The following SYK variants were observed in gnomAD, a reference collection of about 807,000 sequenced individuals.
The protein encoded by SYK is tyrosine-protein kinase SYK.
A neutral mutation model predicts 77.8 loss-of-function variants in SYK; 16 were observed. The ratio of observed to expected loss-of-function variants is 0.21; its 90% CI spans 0.14 to 0.31. The LOEUF (loss-of-function observed/expected upper bound fraction) is 0.31. SYK is among the 10% of genes least tolerant of loss of function. The pLI is 1.00. For missense variants in SYK, 529 were observed against 814.4 expected (o/e 0.65, Z 4.26); for synonymous variants, 312 against 308.7 (o/e 1.01, Z -0.11).
intron 11 of SYK, among the ~76,000 whole-genome samples, chr9:90,881,356 T>C (rs1828141877): frequency 6.6e-6 from 1 of 152,098 alleles, no homozygotes; most frequent in Non-Finnish European, 1.5e-5. Flanking sequence ...AAGATTTCTG[T>C]ATGAAAACAA....
At position 90,898,465 on chromosome 9, in the gene SYK, G is replaced by C; in HGVS notation, c.*2865G>C. 1 of 220,486 alleles carries C rather than the reference G, an allele frequency of 4.5e-6. No individual in the cohort carries two copies. Among genetic ancestry groups the C allele is most frequent in the South Asian group, 1.8e-4 (1 of 5,414 alleles). 13.7% of individuals were successfully genotyped at this position (220,486 alleles called of 1,614,324 possible). Reference sequence around the variant, plus strand: ...TCCCTCCACTGGTTAGCAGTGTGTTGTGTTTTCCATTCATTTCAGAAGAGC... The same window carrying C: ...TCCCTCCACTGGTTAGCAGTGTGTTCTGTTTTCCATTCATTTCAGAAGAGC... On this transcript the variant is annotated 3_prime_UTR_variant, in exon 14 of 14. Coordinates refer to ENST00000375754, the MANE Select transcript of SYK (RefSeq NM_003177.7).
chr9:90,807,805 T>G (rs1824898809), intron 1 of SYK, among the ~76,000 whole-genome samples: 1 of 152,170 alleles, frequency 6.6e-6, no homozygotes, highest in Non-Finnish European at 1.5e-5. Flanking sequence ...CTTCTTAACC[T>G]CCACCCTCAG....
rs190080816 is a variant in SYK, at chr9:90,893,824, G to C, written c.1836-1704G>C. On this transcript the variant is annotated intron_variant, in intron 13 of 13. Transcript: ENST00000375754. ...GCAAGGTTGAGTGCAGGGATGAGGG[G>C]AGAGGAGGAGGGTCACTGGGTACAA... Among the ~76,000 whole-genome samples, 14 of 152,304 alleles carry C rather than the reference G, an allele frequency of 9.2e-5. No homozygotes were observed. In the East Asian group the frequency reaches 2.7e-3, roughly 29 times the overall value.
chr9:90,849,242 T>C (rs1446154294), intron 3 of SYK, among the ~76,000 whole-genome samples: 1 of 152,172 alleles, frequency 6.6e-6, no homozygotes, highest in Non-Finnish European at 1.5e-5. Context: ...GCAAACCAAA[T>C]GTGTTGATTT....
intron 3 of SYK, 25 bp downstream of exon 3, chr9:90,845,619 C>T (rs1000072503): frequency 1.2e-6 from 2 of 1,609,498 alleles, no homozygotes; most frequent in Non-Finnish European, 1.7e-6. Context: ...TTCCCCCTCA[C>T]CTCCTGCCAC....
At position 90,877,621 on chromosome 9, in the gene SYK, C is replaced by T. The variant is rs551292916; in HGVS notation, c.1232C>T (p.Pro411Leu). The T allele has an allele frequency of 6.2e-7, 1 of 1,614,206 alleles. No individual in the cohort carries two copies. The highest frequency in any genetic ancestry group is 8.5e-7 in the Non-Finnish European group (1 of 1,180,048). Residue 411 changes from proline (P) to leucine (L), a missense_variant, in exon 10 of 14, where the codon CCC becomes CTC. Coordinates refer to ENST00000375754, the MANE Select transcript of SYK (RefSeq NM_003177.7). ...VKILKNEAND[P>L]ALKDELLAEA... ...ATACTGAAAAACGAGGCCAATGACC[C>T]CGCTCTTAAAGATGAGTTATTAGCA...
intron 3 of SYK, among the ~76,000 whole-genome samples, chr9:90,852,562 G>A (rs749747606): frequency 6.6e-6 from 1 of 152,180 alleles, no homozygotes; most frequent in Non-Finnish European, 1.5e-5. Flanking sequence ...TTTTGGCTAA[G>A]AGTCCTTGTA....
intron 3 of SYK, among the ~76,000 whole-genome samples, chr9:90,859,030 G>T (rs1827150080): frequency 6.6e-6 from 1 of 152,194 alleles, no homozygotes; most frequent in Non-Finnish European, 1.5e-5. Flanking sequence ...CCTCTGGGTT[G>T]CTCTCTATTT....
chr9:90,874,219 G>A lies in SYK; in HGVS notation c.931G>A (p.Gly311Arg). 2 of 1,614,158 alleles carry A rather than the reference G, an allele frequency of 1.2e-6. No homozygotes were observed. Among genetic ancestry groups the A allele is most frequent in the Non-Finnish European group, 1.7e-6 (2 of 1,180,004 alleles). The change falls in exon 8 of 14, where the codon GGG (glycine) becomes AGG (arginine). Residue 311 changes from glycine (G) to arginine (R), a missense_variant. Around this residue, in one of 2 missense-constraint regions of SYK, gnomAD observed 321 missense variants for 433.1 expected, o/e 0.74. Coordinates refer to ENST00000375754, the MANE Select transcript of SYK (RefSeq NM_003177.7). The stretch of plus-strand genomic sequence containing the variant: ...TGTACTTTAGTCCTCCCCTGCCCAA[G>A]GGAACCGGCAAGAGAGTACTGTGTC... ...PGHRKSSPAQGNRQESTVSFN... is the reference protein window; with the variant it reads ...PGHRKSSPAQRNRQESTVSFN...
At chr9:90,839,903 A>C (rs1864200) in intron 1 of SYK, among the ~76,000 whole-genome samples, 67,399 of 151,720 alleles carry the variant, frequency 0.44, 15,238 homozygotes, top group South Asian at 0.49. Context: ...AAGCCACAGC[A>C]TCCCGGTGCA....
At chr9:90,857,973 C>T (rs972362727) in intron 3 of SYK, among the ~76,000 whole-genome samples, 2 of 152,182 alleles carry the variant, frequency 1.3e-5, no homozygotes, top group Non-Finnish European at 2.9e-5. Context: ...ATGAGAACAC[C>T]TAGTGGGCTG....
At chr9:90,859,606 G>T (rs1827173126) in intron 3 of SYK, among the ~76,000 whole-genome samples, 1 of 152,148 alleles carries the variant, frequency 6.6e-6, no homozygotes, top group Non-Finnish European at 1.5e-5. Flanking sequence ...TACACCTAGG[G>T]GTGGAATTGC....
Position 90,845,604 on chromosome 9 carries a change from G to A in SYK, c.578+10G>A, listed in dbSNP as rs200638500. The A allele has an allele frequency of 5.3e-5, 85 of 1,612,360 alleles. No individual in the cohort carries two copies. Among genetic ancestry groups the A allele is most frequent in the African/African-American group, 3.7e-4 (28 of 74,892 alleles). On this transcript the variant is annotated intron_variant, in intron 3 of 13. Transcript: ENST00000375754. ...CAAATGGAAAGTTCCTGTGAGTATCGTGCCTTCCCCCTCACCTCCTGCCAC... is the reference window on the plus strand; with the variant it reads ...CAAATGGAAAGTTCCTGTGAGTATCATGCCTTCCCCCTCACCTCCTGCCAC...
intron 13 of SYK, among the ~76,000 whole-genome samples, chr9:90,891,513 G>A (rs1197190112): frequency 6.6e-6 from 1 of 152,158 alleles, no homozygotes; most frequent in Middle Eastern, 3.4e-3. Flanking sequence ...CACAGCTGCC[G>A]GCATTTACCT....
intron 1 of SYK, among the ~76,000 whole-genome samples, chr9:90,830,183 G>A (rs1825827463): frequency 6.6e-6 from 1 of 152,226 alleles, no homozygotes; most frequent in Admixed American, 6.5e-5. Flanking sequence ...AGCAGAATGT[G>A]CACAATGTAA....
intron 9 of SYK, among the ~76,000 whole-genome samples, chr9:90,875,469 C>A (rs938357415): frequency 1.3e-5 from 2 of 152,072 alleles, no homozygotes; most frequent in African/African-American, 4.8e-5. Context: ...AACACTACTA[C>A]TGTTAACTAA....
rs146787790 is a variant in SYK at position 90,895,176 on chromosome 9, G to A, written c.1836-352G>A. Among the ~76,000 whole-genome samples, 70 of 152,298 alleles carry A rather than the reference G, an allele frequency of 4.6e-4. No individual in the cohort carries two copies. The highest frequency in any genetic ancestry group is 6.8e-3 in the Middle Eastern group (2 of 294). ...AAAATCACAGAGTGACAGCCTCTTC[G>A]TGTTGCCTGTGGCACAGAAGCATAT... On this transcript the variant is annotated intron_variant, in intron 13 of 13. Transcript: ENST00000375754. The surrounding 1 kb of genome is among the most constrained non-coding windows in gnomAD (Gnocchi z 4.4).
intron 1 of SYK, among the ~76,000 whole-genome samples, chr9:90,829,528 C>G (rs970569426): frequency 6.6e-6 from 1 of 152,124 alleles, no homozygotes; most frequent in Non-Finnish European, 1.5e-5. Context: ...GGCAAGAAGA[C>G]GTGAGGATAG....
chr9:90,853,439 C>T (rs563250743), intron 3 of SYK, among the ~76,000 whole-genome samples: 1 of 151,826 alleles, frequency 6.6e-6, no homozygotes, highest in Non-Finnish European at 1.5e-5. Flanking sequence ...TATTGCGGCA[C>T]TATTCACAAT....
Sources: allele counts gnomAD v4.1 joint callset (sites outside exome capture counted in the v4.1 genomes callset), GRCh38; gene constraint gnomAD v4.1.1; regional missense constraint gnomAD v4.1.1; non-coding constraint Gnocchi (gnomAD v3.1); transcripts MANE v1.5; gene names NCBI Gene and HGNC (gene_info 2026-07-23, HGNC 2026-07-21).